Variants in BBX observed in about 807,000 individuals in gnomAD.
The protein encoded by BBX is HMG box transcription factor BBX.
A neutral mutation model predicts 100.2 loss-of-function variants in BBX; 30 were observed. The observed-to-expected ratio is 0.30, with a 90% confidence interval of 0.22 to 0.41. BBX has a LOEUF of 0.41. BBX is among the 10% of genes least tolerant of loss of function. BBX has a pLI of 1.00. For missense variants in BBX, 1,023 were observed against 1,129.8 expected, an observed-to-expected ratio of 0.91 and a Z score of 1.35; for synonymous variants, 376 against 388.1, an observed-to-expected ratio of 0.97 and a Z score of 0.37.
intron 3 of BBX, among the ~76,000 whole-genome samples, chr3:107,674,350 C>G (rs769585664): frequency 6.6e-6 from 1 of 152,078 alleles, no homozygotes; most frequent in Non-Finnish European, 1.5e-5. Flanking sequence ...TCTCACTACC[C>G]TTCTAATTTT....
intron 10 of BBX, among the ~76,000 whole-genome samples, chr3:107,771,690 G>T (rs1009839567): frequency 1.3e-5 from 2 of 152,150 alleles, no homozygotes; most frequent in Admixed American, 1.3e-4. Context: ...AGTGAGTTAA[G>T]AAAACAAAAA....
intron 2 of BBX, among the ~76,000 whole-genome samples, chr3:107,616,772 C>T (rs2055322944): frequency 6.6e-6 from 1 of 151,842 alleles, no homozygotes; most frequent in South Asian, 2.1e-4. Context: ...TTTGAGTGTT[C>T]TTTATATATC....
intron 7 of BBX, among the ~76,000 whole-genome samples, chr3:107,743,918 G>GTTTTTTTTTTTTTTTTTTTTTTTTTT (rs34762783): frequency 3.5e-5 from 2 of 56,624 alleles, no homozygotes; most frequent in African/African-American, 7.0e-5. Context: ...TGTTTTAGTG[G>GTTTTTTTTTTTTTTTTTTTTTTTTTT]TTTTTTTTTT....
At chr3:107,803,655 C>T (rs187322748) in intron 17 of BBX, among the ~76,000 whole-genome samples, 1 of 152,274 alleles carries the variant, frequency 6.6e-6, no homozygotes, top group East Asian at 1.9e-4. Flanking sequence ...CTTTTTAGTC[C>T]CATTTTAATG....
chr3:107,681,194 T>C (rs2059554987), intron 3 of BBX, among the ~76,000 whole-genome samples: 1 of 152,152 alleles, frequency 6.6e-6, no homozygotes, highest in South Asian at 2.1e-4. Flanking sequence ...GATATCAGGA[T>C]TGTTAGCAAC....
chr3:107,759,217 G>T (rs2065712413), intron 10 of BBX, among the ~76,000 whole-genome samples: 1 of 152,110 alleles, frequency 6.6e-6, no homozygotes, highest in East Asian at 1.9e-4. Flanking sequence ...CCTAATTCAG[G>T]CATATGATTG....
At chr3:107,685,758 G>A (rs886824727) in intron 3 of BBX, among the ~76,000 whole-genome samples, 1 of 152,138 alleles carries the variant, frequency 6.6e-6, no homozygotes, top group African/African-American at 2.4e-5. Context: ...TGTCTTTATT[G>A]ATTTCCAGTA....
Position 107,700,706 on chromosome 3 carries a change from C to A in BBX, c.-9-9746C>A, listed in dbSNP as rs918245872. Among the ~76,000 whole-genome samples the A allele has an allele frequency of 1.1e-4, 17 of 149,246 alleles. 1 individual carries two copies. The highest frequency in any genetic ancestry group is 3.2e-4 in the African/African-American group (13 of 40,024). ...ATGCGGTGTTTGGTTTTTGTCCTTGCGATAGTTTGCTGAGAATGATGGTTT... is the reference window on the plus strand; with the variant it reads ...ATGCGGTGTTTGGTTTTTGTCCTTGAGATAGTTTGCTGAGAATGATGGTTT... On this transcript the variant is annotated intron_variant, in intron 3 of 17. Transcript: ENST00000325805.
intron 2 of BBX, among the ~76,000 whole-genome samples, chr3:107,614,081 A>G (rs532854096): frequency 6.7e-6 from 1 of 149,364 alleles, no homozygotes; most frequent in South Asian, 2.1e-4. Flanking sequence ...CTTCCTGACT[A>G]GCTGGGACTA....
At chr3:107,691,788 T>C (rs182637581) in intron 3 of BBX, among the ~76,000 whole-genome samples, 107 of 152,340 alleles carry the variant, frequency 7.0e-4, no homozygotes, top group Middle Eastern at 3.4e-3. Flanking sequence ...CTTTATGTAA[T>C]TTGTAATTTA....
chr3:107,680,204 G>A (rs1460617940), intron 3 of BBX, among the ~76,000 whole-genome samples: 1 of 152,112 alleles, frequency 6.6e-6, no homozygotes, highest in East Asian at 1.9e-4. Context: ...TGGTTCTTAG[G>A]AATGTCTGGA....
chr3:107,713,247 G>T (rs1348031065), intron 4 of BBX, among the ~76,000 whole-genome samples: 2 of 152,214 alleles, frequency 1.3e-5, no homozygotes, highest in Admixed American at 1.3e-4. Context: ...TCCCATTACT[G>T]CTGCCTAGAT....
At chr3:107,604,226 C>G (rs2054268155) in intron 2 of BBX, among the ~76,000 whole-genome samples, 1 of 152,138 alleles carries the variant, frequency 6.6e-6, no homozygotes, top group African/African-American at 2.4e-5. Context: ...CCTGAACATT[C>G]CTAGTGCTAT....
At chr3:107,535,395 CT>C (rs1454582387) in intron 2 of BBX, among the ~76,000 whole-genome samples, 4 of 151,524 alleles carry the variant, frequency 2.6e-5, no homozygotes, top group Non-Finnish European at 5.9e-5. Flanking sequence ...AAGACTAAGC[CT>C]TTGTTTATAA....
chr3:107,558,946 T>A (rs1353447992), intron 2 of BBX, among the ~76,000 whole-genome samples: 2 of 152,208 alleles, frequency 1.3e-5, no homozygotes, highest in Non-Finnish European at 2.9e-5. Context: ...GAGATGTCAT[T>A]TGATTTTGCT....
At chr3:107,668,598 G>C (rs1281373954) in intron 3 of BBX, among the ~76,000 whole-genome samples, 2 of 152,192 alleles carry the variant, frequency 1.3e-5, no homozygotes, top group Non-Finnish European at 2.9e-5. Context: ...CTGAGTCAGA[G>C]AACTAATAGA....
At chr3:107,719,827 A>C (rs1471464579) in intron 5 of BBX, among the ~76,000 whole-genome samples, 2 of 152,050 alleles carry the variant, frequency 1.3e-5, no homozygotes, top group African/African-American at 2.4e-5. Context: ...CTCTTACAGG[A>C]ATACAAATCT....
At chr3:107,629,787 A>G (rs940544677) in intron 2 of BBX, among the ~76,000 whole-genome samples, 2 of 152,338 alleles carry the variant, frequency 1.3e-5, no homozygotes, top group South Asian at 2.1e-4. Flanking sequence ...AGGAAAGGGC[A>G]TGATGAACCA....
chr3:107,635,972 A>C (rs1355191823), intron 2 of BBX, among the ~76,000 whole-genome samples: 3 of 152,146 alleles, frequency 2.0e-5, no homozygotes, highest in Non-Finnish European at 4.4e-5. Context: ...GGCCTCCCAA[A>C]GTGTTGAGAC....
Sources: gnomAD v4.1 joint callset for allele counts (sites outside exome capture counted in the v4.1 genomes callset) on GRCh38, gnomAD v4.1.1 for gene constraint, MANE v1.5 for transcripts, NCBI Gene and HGNC (gene_info 2026-07-23, HGNC 2026-07-21) for gene names.